The following SIK2 variants were observed in gnomAD, a reference collection of about 807,000 sequenced individuals.
The protein encoded by SIK2 is salt inducible kinase 2.
In SIK2, 29 loss-of-function variants were observed where a neutral mutation model predicts 103.2. That is an observed-to-expected ratio of 0.28 (90% CI 0.21 to 0.38). SIK2 has a LOEUF of 0.38. Among genes scored for constraint, SIK2 ranks in the 10% least tolerant of loss-of-function variants. SIK2 has a pLI of 1.00. For synonymous variants in SIK2, 412 were observed against 446.1 expected (o/e 0.92, Z 0.96); for missense variants, 879 against 1,171.0 (o/e 0.75, Z 3.64).
intron 8 of SIK2, among the ~76,000 whole-genome samples, chr11:111,707,016 T>C (rs1180052868): frequency 6.7e-6 from 1 of 150,276 alleles, no homozygotes; most frequent in Non-Finnish European, 1.5e-5. Flanking sequence ...AATGTGTCCA[T>C]ATAGTTCCAG....
intron 1 of SIK2, among the ~76,000 whole-genome samples, chr11:111,614,085 A>T (rs201979795): frequency 3.9e-4 from 53 of 137,632 alleles, no homozygotes; most frequent in Non-Finnish European, 7.3e-4. Flanking sequence ...CTCTCCCCCC[A>T]TTTTTTTTTT....
chr11:111,684,496 C>T (rs1942818940), intron 3 of SIK2, among the ~76,000 whole-genome samples: 1 of 152,044 alleles, frequency 6.6e-6, no homozygotes, highest in Non-Finnish European at 1.5e-5. Context: ...AAAAAATGGT[C>T]TCATTTAGCG....
chr11:111,714,846 TCTGTGGTTGCTA>T (rs1565385900), intron 9 of SIK2, among the ~76,000 whole-genome samples: 1 of 152,196 alleles, frequency 6.6e-6, no homozygotes. Context: ...TTCTTCTCTG[TCTGTGGTTGCTA>T]CTACAGTCCC....
rs141037525 is a variant in SIK2 at position 111,691,268 on chromosome 11, A to G, written c.478+3106A>G. The stretch of plus-strand genomic sequence containing the variant: ...GCCCTTCTAATTATATAGAAGTCAG[A>G]TAAAAATTCAGATTGGTGAAGTTCT... On this transcript the variant is annotated intron_variant, in intron 4 of 14. Coordinates refer to ENST00000304987, the MANE Select transcript of SIK2 (RefSeq NM_015191.3). Among the ~76,000 whole-genome samples, 402 of 152,330 alleles carry G rather than the reference A, an allele frequency of 2.6e-3. 2 individuals are homozygous for G. The highest frequency in any genetic ancestry group is 9.3e-3 in the African/African-American group (387 of 41,556).
chr11:111,639,709 T>G (rs1486338820), intron 3 of SIK2, among the ~76,000 whole-genome samples: 2 of 152,230 alleles, frequency 1.3e-5, no homozygotes, highest in African/African-American at 4.8e-5. Flanking sequence ...TGCATCTTTC[T>G]CATTGAAATT....
At chr11:111,673,592 G>T (rs1425034936) in intron 3 of SIK2, among the ~76,000 whole-genome samples, 1 of 152,192 alleles carries the variant, frequency 6.6e-6, no homozygotes, top group Non-Finnish European at 1.5e-5. Flanking sequence ...ACTGCTGAAT[G>T]AGAAGCAATT....
At chr11:111,619,581 G>A (rs1294579753) in intron 2 of SIK2, among the ~76,000 whole-genome samples, 1 of 152,106 alleles carries the variant, frequency 6.6e-6, no homozygotes, top group African/African-American at 2.4e-5. Flanking sequence ...CTGACCTCAA[G>A]TGATCTGCCC....
chr11:111,706,216 T>A (rs531593079), intron 8 of SIK2, among the ~76,000 whole-genome samples: 1 of 152,252 alleles, frequency 6.6e-6, no homozygotes, highest in Non-Finnish European at 1.5e-5. Context: ...GCCTGGCACA[T>A]AGTAAGTGCT....
At position 111,705,638 on chromosome 11, in the gene SIK2, C is replaced by T. The variant is rs146963024; in HGVS notation, c.1101+499C>T. Among the ~76,000 whole-genome samples, 125 of 152,280 alleles carry T rather than the reference C, an allele frequency of 8.2e-4. 4 individuals are homozygous for T. In the East Asian group the frequency reaches 0.024, roughly 29 times the overall value. The stretch of plus-strand genomic sequence containing the variant: ...AACAGGGGGAATGGCATGTAAGACA[C>T]ATCTTCACAGATGGGGAGGACTTGG... On this transcript the variant is annotated intron_variant, in intron 8 of 14. Coordinates refer to ENST00000304987, the MANE Select transcript of SIK2 (RefSeq NM_015191.3). This position sits in a 1 kb window ranked among gnomAD's most constrained non-coding sequence, Gnocchi z 4.3.
intron 8 of SIK2, among the ~76,000 whole-genome samples, chr11:111,707,873 T>TG (rs1273750258): frequency 1.3e-5 from 2 of 152,164 alleles, no homozygotes; most frequent in Non-Finnish European, 2.9e-5. Context: ...TTCGGGCAAG[T>TG]CAGCGTCTCT....
rs1041578135 is a variant in SIK2, at chr11:111,727,162, A to G, written c.*3033A>G. On this transcript the variant is annotated 3_prime_UTR_variant, in exon 15 of 15. Coordinates refer to ENST00000304987, the MANE Select transcript of SIK2 (RefSeq NM_015191.3). Reference sequence around the variant, plus strand: ...CTGCCCCCTCGCCACCTCTGCCTGCACTGCCTTCTGTCACCGTGGGAAAAG... The same window carrying G: ...CTGCCCCCTCGCCACCTCTGCCTGCGCTGCCTTCTGTCACCGTGGGAAAAG... 5.5e-6 allele frequency: 5 copies of G among 905,716 alleles called. No individual in the cohort carries two copies. The African/African-American group carries it at 8.2e-5, about 15-fold the overall frequency. The allele number at this position is 905,716 out of a possible 1,614,324, so 56.1% of individuals were successfully genotyped here.
At chr11:111,610,201 C>T (rs530323290) in intron 1 of SIK2, among the ~76,000 whole-genome samples, 89 of 152,154 alleles carry the variant, frequency 5.8e-4, no homozygotes, top group African/African-American at 2.1e-3. Context: ...ATCAAAGAGA[C>T]AGGATAGGCC....
At chr11:111,672,328 G>A (rs117802842) in intron 3 of SIK2, 4,436 of 433,204 alleles carry the variant, frequency 0.01, 61 homozygotes, top group Middle Eastern at 0.035. Context: ...AGGCCTGCTC[G>A]TGGAGGAGCA....
Position 111,700,879 on chromosome 11 carries a change from C to T in SIK2, c.479-7C>T. ...GATGAAAATAACATTTATTTCCATC[C>T]TAATAGATTTCGGTTTTGGAAATTT... is the stretch of plus-strand genomic sequence containing the variant. On this transcript the variant is annotated splice_polypyrimidine_tract_variant and splice_region_variant and intron_variant, in intron 4 of 14. Coordinates refer to ENST00000304987, the MANE Select transcript of SIK2 (RefSeq NM_015191.3). 1.2e-6 allele frequency: 2 copies of T among 1,613,652 alleles called. No individual in the cohort carries two copies. Among genetic ancestry groups the T allele is most frequent in the Non-Finnish European group, 1.7e-6 (2 of 1,179,704 alleles).
chr11:111,690,968 G>A (rs113360722), intron 4 of SIK2, among the ~76,000 whole-genome samples: 1 of 152,158 alleles, frequency 6.6e-6, no homozygotes, highest in African/African-American at 2.4e-5. Context: ...AAGGTTATAG[G>A]TGTGTAAATC....
intron 3 of SIK2, among the ~76,000 whole-genome samples, chr11:111,668,772 A>G (rs1237554020): frequency 1.3e-5 from 2 of 152,268 alleles, no homozygotes; most frequent in Non-Finnish European, 2.9e-5. Flanking sequence ...AAGGAAAACC[A>G]GTTAAGAAAC....
Position 111,635,215 on chromosome 11 carries a change from G to A in SIK2, c.316+14813G>A, listed in dbSNP as rs191992090. On this transcript the variant is annotated intron_variant, in intron 3 of 14. Transcript: ENST00000304987. ...AGTCAGGAGTAAGCTGTGTGTGGTAGTCCTAGTTCCGCCATTGACTTCTAC... is the reference window on the plus strand; with the variant it reads ...AGTCAGGAGTAAGCTGTGTGTGGTAATCCTAGTTCCGCCATTGACTTCTAC... Among the ~76,000 whole-genome samples, 338 of 152,148 alleles carry A rather than the reference G, an allele frequency of 2.2e-3. 8 individuals carry two copies. The highest frequency in any genetic ancestry group is 4.0e-4 in the Non-Finnish European group (27 of 68,006).
chr11:111,710,311 ACT>A (rs1180871083), intron 8 of SIK2, among the ~76,000 whole-genome samples: 2 of 152,130 alleles, frequency 1.3e-5, no homozygotes, highest in Non-Finnish European at 2.9e-5. Flanking sequence ...TCTTTATCAC[ACT>A]CTGAATGGTA....
At position 111,628,610 on chromosome 11, in the gene SIK2, A is replaced by G. The variant is rs561993057; in HGVS notation, c.316+8208A>G. Among the ~76,000 whole-genome samples the G allele has an allele frequency of 4.0e-5, 6 of 151,898 alleles. No homozygotes were observed. The South Asian group carries it at 1.3e-3, about 32-fold the overall frequency. ...CAGGCTAATTTTTAAATTTTTTTGT[A>G]GAGATGGGATCTTGCCATGATGCCC... is the stretch of plus-strand genomic sequence containing the variant. On this transcript the variant is annotated intron_variant, in intron 3 of 14. Coordinates refer to ENST00000304987, the MANE Select transcript of SIK2 (RefSeq NM_015191.3).
Sources: gnomAD v4.1 joint callset for allele counts (sites outside exome capture counted in the v4.1 genomes callset) on GRCh38, gnomAD v4.1.1 for gene constraint, Gnocchi (gnomAD v3.1) non-coding constraint, MANE v1.5 for transcripts, NCBI Gene and HGNC (gene_info 2026-07-23, HGNC 2026-07-21) for gene names.